GRIN2A: variants seen among roughly 807,000 people sequenced by gnomAD.
The protein encoded by GRIN2A is glutamate receptor ionotropic, NMDA 2A.
A neutral mutation model predicts 113.4 loss-of-function variants in GRIN2A; 22 were observed. The observed-to-expected ratio is 0.19, with a 90% CI of 0.14 to 0.28. GRIN2A has a LOEUF of 0.28. Ranked by LOEUF, GRIN2A falls within the 10% of genes least tolerant of loss-of-function variation. The pLI, the probability that GRIN2A is intolerant of heterozygous loss-of-function variation, is 1.00. For synonymous variants in GRIN2A, 827 were observed against 738.4 expected, an observed-to-expected ratio of 1.12 and a Z score of -1.94; for missense variants, 1,502 against 1,887.0, an observed-to-expected ratio of 0.80 and a Z score of 3.78.
At position 9,938,518 on chromosome 16, in the gene GRIN2A, A is replaced by G; in HGVS notation, c.448T>C (p.Ser150Pro). 1 of 1,608,754 alleles carries G rather than the reference A, an allele frequency of 6.2e-7. No homozygotes were observed. The highest frequency in any genetic ancestry group is 1.3e-5 in the African/African-American group (1 of 75,038). ...PTSTFFQFGA[S>P]IQQQATVMLK... ...ATGACCGTGGCTTGCTGCTGGATGG[A>G]CGCTCCAAACTGGAAGAAGGTAGAC... Residue 150 changes from serine to proline, a missense_variant, in exon 3 of 13, where the codon TCC becomes CCC. Ser to Pro is a moderately conservative substitution (Grantham distance 74). Transcript: ENST00000330684.
intron 2 of GRIN2A, among the ~76,000 whole-genome samples, chr16:10,104,943 G>T (rs1410559081): frequency 6.6e-6 from 1 of 152,154 alleles, no homozygotes; most frequent in Non-Finnish European, 1.5e-5. Context: ...GACAACAGGG[G>T]GAGGTGCTAA....
At chr16:9,976,743 G>A (rs1243714026) in intron 2 of GRIN2A, among the ~76,000 whole-genome samples, 1 of 152,144 alleles carries the variant, frequency 6.6e-6, no homozygotes, top group Admixed American at 6.5e-5. Context: ...ACCTTTAGGA[G>A]CCTCACAAAT....
chr16:10,093,191 T>C (rs1203191788), intron 2 of GRIN2A, among the ~76,000 whole-genome samples: 1 of 152,192 alleles, frequency 6.6e-6, no homozygotes, highest in Non-Finnish European at 1.5e-5. Flanking sequence ...GAGTCACAGT[T>C]GCTCAGCACT....
chr16:10,172,419 C>T (rs1026878356), intron 2 of GRIN2A, among the ~76,000 whole-genome samples: 15 of 152,208 alleles, frequency 9.9e-5, no homozygotes, highest in South Asian at 2.1e-4. Context: ...ATAGATCTGC[C>T]GTCTTATCCA....
At chr16:9,796,231 C>T (rs2141223784) in intron 11 of GRIN2A, among the ~76,000 whole-genome samples, 1 of 152,286 alleles carries the variant, frequency 6.6e-6, no homozygotes, top group African/African-American at 2.4e-5. Context: ...TAAAAGTTTC[C>T]AGCCAAATGA....
chr16:9,971,009 G>C (rs2045659403), intron 2 of GRIN2A, among the ~76,000 whole-genome samples: 1 of 151,854 alleles, frequency 6.6e-6, no homozygotes, highest in Non-Finnish European at 1.5e-5. Flanking sequence ...GCAAGACTGG[G>C]GGGAAGGGGA....
chr16:9,989,516 G>A (rs745735860), intron 2 of GRIN2A, among the ~76,000 whole-genome samples: 18 of 151,584 alleles, frequency 1.2e-4, no homozygotes, highest in Non-Finnish European at 1.8e-4. Flanking sequence ...AAAAGCAAAT[G>A]CAACAAAAAA....
At position 10,180,379 on chromosome 16, in the gene GRIN2A, C is replaced by T. The variant is rs761729039; in HGVS notation, c.33G>A (p.Val11=). Reference sequence around the variant, plus strand: ...CGCGCCAGACCAGAAGGGCCGGCAGCACCAGCAGGGTCCAATAGCCCACTC... The same window carrying T: ...CGCGCCAGACCAGAAGGGCCGGCAGTACCAGCAGGGTCCAATAGCCCACTC... MGRVGYWTLL[V]LPALLVWRGP... The change falls in exon 2 of 13, where the codon GTG becomes GTA. Residue 11 remains valine, a synonymous_variant. Transcript: ENST00000330684. The surrounding 1 kb of genome is among the most constrained non-coding windows in gnomAD (Gnocchi z 7.0). 2 of 1,607,754 alleles carry T rather than the reference C, an allele frequency of 1.2e-6. No homozygotes were observed. Among genetic ancestry groups the T allele is most frequent in the Middle Eastern group, 1.7e-4 (1 of 6,060 alleles).
chr16:10,013,394 C>T (rs1596415866), intron 2 of GRIN2A, among the ~76,000 whole-genome samples: 1 of 152,164 alleles, frequency 6.6e-6, no homozygotes, highest in Non-Finnish European at 1.5e-5. Flanking sequence ...AATCATCATC[C>T]CAATAAGTGA....
At chr16:9,991,165 G>T (rs1008931623) in intron 2 of GRIN2A, among the ~76,000 whole-genome samples, 1 of 152,204 alleles carries the variant, frequency 6.6e-6, no homozygotes, top group Non-Finnish European at 1.5e-5. Flanking sequence ...ATTTCTTAAT[G>T]AAACACTACA....
chr16:9,963,891 A>G (rs1050931128), intron 2 of GRIN2A, among the ~76,000 whole-genome samples: 3 of 152,200 alleles, frequency 2.0e-5, no homozygotes, highest in Non-Finnish European at 4.4e-5. Flanking sequence ...TGCCAGACAT[A>G]GTGCCATGTC....
Position 9,757,760 on chromosome 16 carries a change from G to C in GRIN2A, c.*5389C>G, listed in dbSNP as rs374780337. 9.2e-6 allele frequency: 2 copies of C among 217,660 alleles called. No individual in the cohort carries two copies. The highest frequency in any genetic ancestry group is 1.8e-5 in the Non-Finnish European group (2 of 108,256). 13.5% of individuals were successfully genotyped at this position (217,660 alleles called of 1,614,324 possible). On this transcript the variant is annotated 3_prime_UTR_variant, in exon 13 of 13. Coordinates refer to ENST00000330684, the MANE Select transcript of GRIN2A (RefSeq NM_001134407.3). ...CCCTGTTGATTTTTCCTAAGGAGAC[G>C]GTCTCTGAGAAAAGTTTTCTCTTCT...
intron 2 of GRIN2A, among the ~76,000 whole-genome samples, chr16:10,137,767 G>A (rs988814724): frequency 8.5e-5 from 13 of 152,214 alleles, no homozygotes; most frequent in African/African-American, 3.1e-4. Context: ...TTAAATGAGA[G>A]AGTGTGACAT....
chr16:10,016,660 T>A (rs1242994704), intron 2 of GRIN2A, among the ~76,000 whole-genome samples: 1 of 152,196 alleles, frequency 6.6e-6, no homozygotes, highest in African/African-American at 2.4e-5. Context: ...TTATTGTAGT[T>A]GTGTTTTTGC....
chr16:9,855,244 T>A (rs1459615440), intron 4 of GRIN2A, among the ~76,000 whole-genome samples: 2 of 152,196 alleles, frequency 1.3e-5, no homozygotes, highest in African/African-American at 4.8e-5. Flanking sequence ...ATAATCTTTT[T>A]GAACCTCAGT....
chr16:9,871,887 T>C (rs965903445), intron 4 of GRIN2A, among the ~76,000 whole-genome samples: 2 of 152,176 alleles, frequency 1.3e-5, no homozygotes, highest in African/African-American at 4.8e-5. Flanking sequence ...TTGTAGAATT[T>C]GATTGAAGAA....
chr16:9,900,801 C>T (rs940554092), intron 3 of GRIN2A, among the ~76,000 whole-genome samples: 3 of 152,154 alleles, frequency 2.0e-5, no homozygotes, highest in Non-Finnish European at 4.4e-5. Context: ...GACTAAGGAT[C>T]ACCTAACCAC....
rs1900413555 is a variant in GRIN2A, at chr16:9,757,739, GT to G, written c.*5409del. On this transcript the variant is annotated 3_prime_UTR_variant, in exon 13 of 13. Transcript: ENST00000330684. The stretch of plus-strand genomic sequence containing the variant: ...GTTTGAGGTTTTAAACAATATCCCT[GT>G]TGATTTTTCCTAAGGAGACGGTCTC... The G allele has an allele frequency of 4.6e-6, 1 of 216,484 alleles. No homozygotes were observed. The highest frequency in any genetic ancestry group is 2.3e-5 in the African/African-American group (1 of 44,424). The allele number at this position is 216,484 out of a possible 1,614,324, so 13.4% of individuals were successfully genotyped here.
chr16:9,959,275 G>C (rs2045378104), intron 2 of GRIN2A, among the ~76,000 whole-genome samples: 2 of 152,044 alleles, frequency 1.3e-5, no homozygotes. Flanking sequence ...GAGATAAAAA[G>C]CCTCACTCAT....
Sources: gnomAD v4.1 joint callset for allele counts (sites outside exome capture counted in the v4.1 genomes callset) on GRCh38, gnomAD v4.1.1 for gene constraint, Gnocchi (gnomAD v3.1) non-coding constraint, MANE v1.5 for transcripts, NCBI Gene and HGNC (gene_info 2026-07-23, HGNC 2026-07-21) for gene names.